The following SRGAP3 variants were observed in gnomAD, a reference collection of about 807,000 sequenced individuals.
SRGAP3 encodes the protein SLIT-ROBO Rho GTPase activating protein 3, also known as SLIT-ROBO Rho GTPase-activating protein 3.
A neutral mutation model predicts 121.1 loss-of-function variants in SRGAP3; 39 were observed. That is an observed-to-expected ratio of 0.32 (90% CI 0.25 to 0.42). The LOEUF (loss-of-function observed/expected upper bound fraction) is 0.42. Ranked by LOEUF, SRGAP3 falls within the 10% of genes least tolerant of loss-of-function variation. SRGAP3 has a pLI of 1.00. For missense variants in SRGAP3, 1,213 were observed against 1,470.6 expected (o/e 0.82, Z 2.86); for synonymous variants, 601 against 570.0 (o/e 1.05, Z -0.77).
intron 4 of SRGAP3, among the ~76,000 whole-genome samples, chr3:9,072,533 C>T (rs1397300561): frequency 6.6e-6 from 1 of 152,260 alleles, no homozygotes; most frequent in Non-Finnish European, 1.5e-5. Flanking sequence ...TGACACTGTG[C>T]ACACACCCTG....
At chr3:9,117,458 G>T (rs1560187106) in intron 2 of SRGAP3, among the ~76,000 whole-genome samples, 2 of 152,196 alleles carry the variant, frequency 1.3e-5, no homozygotes, top group African/African-American at 4.8e-5. Context: ...CCTTTGCACA[G>T]GATATCTGCA....
chr3:8,996,989 A>G (rs1942442909), intron 18 of SRGAP3, among the ~76,000 whole-genome samples: 1 of 152,202 alleles, frequency 6.6e-6, no homozygotes, highest in Non-Finnish European at 1.5e-5. Context: ...AGAGTGGGGC[A>G]GCAGGGGGAG....
rs1574907589 is a variant in SRGAP3, at chr3:9,013,527, T to C, written c.1928A>G (p.Gln643Arg). ...ATCCATCATGTTCTCGTCGCTATAC[T>C]GGGAGAGGCTAGGAGAGAGGAGTTA... ...YLFAFLNHLS[Q>R]YSDENMMDPY... Residue 643 changes from glutamine (Q) to arginine (R), a missense_variant, in exon 17 of 22, where the codon CAG becomes CGG. Gln to Arg is a conservative substitution (Grantham distance 43, BLOSUM62 1). This residue lies in a region of SRGAP3 where 793 missense variants were observed against 1,032.9 expected (regional missense o/e 0.77). Coordinates refer to ENST00000383836, the MANE Select transcript of SRGAP3 (RefSeq NM_014850.4). 6.2e-7 allele frequency: 1 copy of C among 1,614,092 alleles called. No individual in the cohort carries two copies. Among genetic ancestry groups the C allele is most frequent in the Admixed American group, 1.7e-5 (1 of 60,016 alleles).
intron 1 of SRGAP3, chr3:9,216,862 T>G (rs2664103): frequency 1.3e-5 from 2 of 152,190 alleles, no homozygotes; most frequent in Admixed American, 6.6e-5. Flanking sequence ...GACACACGCC[T>G]CAACACGGAT....
intron 20 of SRGAP3, 71 bp downstream of exon 20, chr3:8,992,835 T>C (rs1227360461): frequency 6.2e-7 from 1 of 1,613,112 alleles, no homozygotes; most frequent in Non-Finnish European, 8.5e-7. Flanking sequence ...CTCTCTGCCC[T>C]TGTGCTTCTC....
chr3:9,290,765 T>C (rs1954856666), intron 3 of SRGAP3, among the ~76,000 whole-genome samples: 2 of 152,186 alleles, frequency 1.3e-5, no homozygotes, highest in Admixed American at 6.5e-5. Context: ...GTAAACCTTA[T>C]GCACACTAAA....
chr3:9,165,745 T>C (rs987052400), intron 1 of SRGAP3, among the ~76,000 whole-genome samples: 1 of 152,120 alleles, frequency 6.6e-6, no homozygotes, highest in African/African-American at 2.4e-5. Flanking sequence ...CCCAGAGCCT[T>C]TGCATGCACG....
intron 1 of SRGAP3, among the ~76,000 whole-genome samples, chr3:9,215,825 G>A (rs1952599290): frequency 6.6e-6 from 1 of 152,168 alleles, no homozygotes; most frequent in Non-Finnish European, 1.5e-5. Context: ...CAGGCCTTTG[G>A]CCTTAGACTG....
At chr3:9,194,060 G>T (rs1445089281) in intron 1 of SRGAP3, 1 of 152,232 alleles carries the variant, frequency 6.6e-6, no homozygotes, top group Non-Finnish European at 1.5e-5. Context: ...ACAAAGGCCT[G>T]AGTTGCAAAG....
intron 17 of SRGAP3, among the ~76,000 whole-genome samples, chr3:9,012,329 T>C (rs1200855273): frequency 6.6e-6 from 1 of 152,216 alleles, no homozygotes; most frequent in East Asian, 1.9e-4. Context: ...CCTAAATATA[T>C]AGCTGTGTGC....
At chr3:9,102,380 C>T (rs962641832) in intron 3 of SRGAP3, among the ~76,000 whole-genome samples, 4 of 152,206 alleles carry the variant, frequency 2.6e-5, no homozygotes, top group African/African-American at 9.6e-5. Flanking sequence ...GCCACTCCGC[C>T]TCCTGCTGGT....
At chr3:9,292,682 C>T (rs932007289) in intron 3 of SRGAP3, 4 of 152,230 alleles carry the variant, frequency 2.6e-5, no homozygotes, top group South Asian at 2.1e-4. Context: ...TTTCTAGCCC[C>T]GAGCAAAGAA....
At chr3:9,254,200 A>AT (rs1431982461), upstream of SRGAP3, among the ~76,000 whole-genome samples, 1 of 152,214 alleles carries the variant, frequency 6.6e-6, no homozygotes. Flanking sequence ...AACAACCCAA[A>AT]TGTTGTTTGA....
intron 11 of SRGAP3, chr3:9,037,300 C>G (rs1326436128): frequency 6.6e-6 from 1 of 152,060 alleles, no homozygotes; most frequent in Non-Finnish European, 1.5e-5. Context: ...TTAATAGGAA[C>G]ATAGAAATGA....
intron 1 of SRGAP3, among the ~76,000 whole-genome samples, chr3:9,225,821 G>A (rs1193490374): frequency 6.6e-6 from 1 of 152,210 alleles, no homozygotes; most frequent in Non-Finnish European, 1.5e-5. Context: ...GACCAAGGGA[G>A]AGCTCAAGTC....
intron 1 of SRGAP3, among the ~76,000 whole-genome samples, chr3:9,157,302 T>A (rs1310740067): frequency 6.6e-6 from 1 of 151,962 alleles, no homozygotes; most frequent in African/African-American, 2.4e-5. Flanking sequence ...ACATCCCAGA[T>A]CTCATGAGAA....
chr3:9,302,011 G>T (rs577734210), intron 3 of SRGAP3, among the ~76,000 whole-genome samples: 1 of 152,316 alleles, frequency 6.6e-6, no homozygotes, highest in East Asian at 1.9e-4. Flanking sequence ...ATCCAGGTAG[G>T]GTGCTGGTGA....
At position 9,134,057 on chromosome 3, in the gene SRGAP3, G is replaced by A. The variant is rs377511984; in HGVS notation, c.68-9140C>T. Reference sequence around the variant, plus strand: ...AAGCCAATGCAAATCCTGCACCTCTGGTTAACAGGTCTGACCCATTAGGAA... The same window carrying A: ...AAGCCAATGCAAATCCTGCACCTCTAGTTAACAGGTCTGACCCATTAGGAA... On this transcript the variant is annotated intron_variant, in intron 1 of 21. Coordinates refer to ENST00000383836, the MANE Select transcript of SRGAP3 (RefSeq NM_014850.4). Among the ~76,000 whole-genome samples the A allele has an allele frequency of 9.2e-5, 14 of 152,342 alleles. No individual in the cohort carries two copies. The East Asian group carries it at 2.3e-3, about 25-fold the overall frequency.
At chr3:9,268,852 G>A (rs946299530) in intron 3 of SRGAP3, among the ~76,000 whole-genome samples, 2 of 152,082 alleles carry the variant, frequency 1.3e-5, no homozygotes, top group Admixed American at 6.6e-5. Flanking sequence ...TGCATTTCAT[G>A]TTCTCTTCCT....
Sources: gnomAD v4.1 joint callset for allele counts (sites outside exome capture counted in the v4.1 genomes callset) on GRCh38, gnomAD v4.1.1 for gene constraint, gnomAD v4.1.1 regional missense constraint, MANE v1.5 for transcripts, NCBI Gene and HGNC (gene_info 2026-07-23, HGNC 2026-07-21) for gene names.